ANK2: variants seen among roughly 807,000 people sequenced by gnomAD.
ANK2 encodes ankyrin-2.
A neutral mutation model predicts 360.5 loss-of-function variants in ANK2; 83 were observed. The ratio of observed to expected loss-of-function variants is 0.23; its 90% CI spans 0.19 to 0.28. The LOEUF (loss-of-function observed/expected upper bound fraction) is 0.28. ANK2 is among the 10% of genes least tolerant of loss of function. ANK2 has a pLI of 1.00. For missense variants in ANK2, 4,201 were observed against 4,795.7 expected (o/e 0.88, Z 3.66); for synonymous variants, 1,740 against 1,759.5 (o/e 0.99, Z 0.28).
intron 1 of ANK2, among the ~76,000 whole-genome samples, chr4:112,830,707 C>T (rs563049076): frequency 5.3e-5 from 8 of 152,324 alleles, no homozygotes; most frequent in South Asian, 4.1e-4. Flanking sequence ...ACTCTGGCTG[C>T]GCTTGAGGAG....
the ANK2 span, among the ~76,000 whole-genome samples, chr4:112,757,941 G>A: frequency 7.3e-6 from 1 of 137,596 alleles, no homozygotes; most frequent in African/African-American, 2.5e-5. Flanking sequence ...GTGCAATGGC[G>A]CCGTCCTGGC....
chr4:113,075,020 T>C (rs535317892), intron 1 of ANK2, among the ~76,000 whole-genome samples: 12 of 152,306 alleles, frequency 7.9e-5, no homozygotes, highest in East Asian at 1.9e-4. Context: ...ATGAGCAGCA[T>C]TGGCATCACC....
chr4:113,218,902 A>G (rs2099117691), intron 4 of ANK2, among the ~76,000 whole-genome samples: 1 of 152,166 alleles, frequency 6.6e-6, no homozygotes, highest in South Asian at 2.1e-4. Flanking sequence ...AGTTAAGTTA[A>G]TACTGTAGCT....
intron 1 of ANK2, chr4:112,880,849 A>G (rs555294046): frequency 7.7e-4 from 118 of 152,270 alleles, no homozygotes; most frequent in African/African-American, 2.8e-3. Context: ...TTTCACCTTC[A>G]CTTGGAGTCC....
chr4:113,202,238 T>C (rs2098840227), intron 4 of ANK2, among the ~76,000 whole-genome samples: 1 of 152,162 alleles, frequency 6.6e-6, no homozygotes, highest in Non-Finnish European at 1.5e-5. Flanking sequence ...ATCCCAAAAC[T>C]GATGGTTTCA....
chr4:112,709,362 C>T, the ANK2 span, among the ~76,000 whole-genome samples: 2 of 152,146 alleles, frequency 1.3e-5, no homozygotes, highest in Admixed American at 6.5e-5. Context: ...CTGTATATGT[C>T]ATATACATTA....
At chr4:112,790,382 T>A in the ANK2 span, among the ~76,000 whole-genome samples, 15 of 152,168 alleles carry the variant, frequency 9.9e-5, no homozygotes, top group African/African-American at 3.4e-4. Context: ...TCCTGAAGTC[T>A]ACCTTGTTGA....
At chr4:113,073,245 C>G (rs892929239) in intron 1 of ANK2, among the ~76,000 whole-genome samples, 3 of 152,140 alleles carry the variant, frequency 2.0e-5, no homozygotes, top group Non-Finnish European at 4.4e-5. Flanking sequence ...AGTGAGCCAC[C>G]GTGTCTGGCT....
At chr4:112,968,257 T>C (rs1433528855) in intron 2 of ANK2, among the ~76,000 whole-genome samples, 1 of 152,214 alleles carries the variant, frequency 6.6e-6, no homozygotes, top group Non-Finnish European at 1.5e-5. Context: ...TCAGATGCAT[T>C]GATCTTCGCA....
At chr4:112,971,835 A>G (rs2039660285) in intron 2 of ANK2, among the ~76,000 whole-genome samples, 1 of 152,230 alleles carries the variant, frequency 6.6e-6, no homozygotes, top group Admixed American at 6.5e-5. Flanking sequence ...AACGTACCCT[A>G]TGATGAAAGA....
chr4:113,113,578 G>A (rs1224084395), intron 1 of ANK2, among the ~76,000 whole-genome samples: 3 of 152,192 alleles, frequency 2.0e-5, no homozygotes. Flanking sequence ...ACCTTTGAAG[G>A]CAGACACAAG....
rs768427721 is a variant in ANK2 at position 113,332,001 on chromosome 4, C to T, written c.3155C>T (p.Pro1052Leu). Reference protein sequence around the residue: ...GKLHLPTAPPPLNEGESLVSR... With the variant: ...GKLHLPTAPPLLNEGESLVSR... Reference sequence around the variant, plus strand: ...CTTCACCTGCCAACGGCTCCTCCCCCACTTAATGAGGGAGAAAGTTTGGTC... The same window carrying T: ...CTTCACCTGCCAACGGCTCCTCCCCTACTTAATGAGGGAGAAAGTTTGGTC... The change falls in exon 28 of 46, where the codon CCA (proline) becomes CTA (leucine). Residue 1052 changes from proline (P) to leucine (L), a missense_variant. By Grantham distance (98) the Pro-to-Leu change is moderately conservative (BLOSUM62 -3). Transcript: ENST00000357077. 3 of 1,614,178 alleles carry T rather than the reference C, an allele frequency of 1.9e-6. 1 individual carries two copies. The highest frequency in any genetic ancestry group is 2.2e-5 in the South Asian group (2 of 91,080).
intron 1 of ANK2, among the ~76,000 whole-genome samples, chr4:112,861,251 T>G (rs2067923904): frequency 6.6e-6 from 1 of 152,166 alleles, no homozygotes; most frequent in Non-Finnish European, 1.5e-5. Context: ...AGCTCTTGGG[T>G]TTTTATCTTA....
chr4:113,229,043 G>A (rs1162675812), intron 4 of ANK2, among the ~76,000 whole-genome samples: 2 of 152,158 alleles, frequency 1.3e-5, no homozygotes, highest in Non-Finnish European at 2.9e-5. Flanking sequence ...ACATGGAAGG[G>A]TGTGGACACA....
At chr4:113,070,609 C>T (rs960042079) in intron 1 of ANK2, among the ~76,000 whole-genome samples, 2 of 152,092 alleles carry the variant, frequency 1.3e-5, no homozygotes, top group Non-Finnish European at 2.9e-5. Context: ...GTTTGCCCTA[C>T]AAGTCTTATC....
In ANK2 at chr4:113,354,881, T is replaced by C. The variant is rs772386277; in HGVS notation, c.6263T>C (p.Leu2088Pro). 6.2e-7 allele frequency: 1 copy of C among 1,613,952 alleles called. No homozygotes were observed. Among genetic ancestry groups the C allele is most frequent in the African/African-American group, 1.3e-5 (1 of 74,900 alleles). Residue 2088 changes from leucine (L) to proline (P), a missense_variant, in exon 38 of 46, where the codon CTC (leucine) becomes CCC (proline). By Grantham distance (98) the Leu-to-Pro change is moderately conservative. Around this residue, in one of 4 missense-constraint regions of ANK2, gnomAD observed 2,642 missense variants for 2,714.5 expected, o/e 0.97. Transcript: ENST00000357077. ...GCAGCTGGAGGAAAGGAGAAAGTTC[T>C]CAGCCACAAAATACCTGAACCTGTT... ...EDAAGGKEKV[L>P]SHKIPEPVQS...
the ANK2 span, among the ~76,000 whole-genome samples, chr4:112,762,536 G>A: frequency 9.2e-5 from 14 of 152,310 alleles, no homozygotes; most frequent in Admixed American, 3.3e-4. Flanking sequence ...ATTTTAGACA[G>A]AGTCTCACTG....
intron 1 of ANK2, among the ~76,000 whole-genome samples, chr4:113,141,077 C>G (rs1307063392): frequency 6.6e-6 from 1 of 152,128 alleles, no homozygotes; most frequent in Non-Finnish European, 1.5e-5. Flanking sequence ...TCCTATAAAG[C>G]TGTCCTGCAA....
intron 1 of ANK2, among the ~76,000 whole-genome samples, chr4:113,172,487 C>T (rs2098013290): frequency 6.6e-6 from 1 of 152,126 alleles, no homozygotes; most frequent in Non-Finnish European, 1.5e-5. Flanking sequence ...AATCTCTTTC[C>T]TCATCTATTA....
Sources: allele counts gnomAD v4.1 joint callset (sites outside exome capture counted in the v4.1 genomes callset), GRCh38; gene constraint gnomAD v4.1.1; regional missense constraint gnomAD v4.1.1; transcripts MANE v1.5; gene names NCBI Gene and HGNC (gene_info 2026-07-23, HGNC 2026-07-21).